CHD1L: variants seen among roughly 807,000 people sequenced by gnomAD.
CHD1L encodes ATP-dependent chromatin remodeler CHD1L.
Under a neutral mutation model 115.9 loss-of-function variants are expected in CHD1L, and 118 were observed. The ratio of observed to expected loss-of-function variants is 1.02; its 90% confidence interval spans 0.88 to 1.19. CHD1L has a LOEUF of 1.19. Among genes scored for constraint, CHD1L ranks in the 50% most tolerant of loss-of-function variants. The pLI, the probability that CHD1L is intolerant of heterozygous loss-of-function variation, is 0.00. For synonymous variants in CHD1L, 411 were observed against 387.1 expected (o/e 1.06, Z -0.72); for missense variants, 1,179 against 1,065.3 (o/e 1.11, Z -1.49).
chr1:147,266,233 G>C, intron 8 of CHD1L, 146 bp downstream of exon 8: 2 of 729,600 alleles, frequency 2.7e-6, no homozygotes, highest in Non-Finnish European at 4.2e-6. Context: ...GGCTACAGTG[G>C]GACTGTGGCA....
the CHD1L span, among the ~76,000 whole-genome samples, chr1:147,206,033 T>C: frequency 6.6e-6 from 1 of 151,358 alleles, no homozygotes; most frequent in East Asian, 1.9e-4. Flanking sequence ...AAAGGGCTAA[T>C]ATCCAGAATC....
At chr1:147,241,591 G>A (rs1476936274), upstream of CHD1L, among the ~76,000 whole-genome samples, 2 of 152,120 alleles carry the variant, frequency 1.3e-5, no homozygotes, top group African/African-American at 2.4e-5. Context: ...ACACGGACGC[G>A]CATGAAAGTC....
chr1:147,274,888 T>A (rs1406704498), intron 12 of CHD1L, among the ~76,000 whole-genome samples: 1 of 152,208 alleles, frequency 6.6e-6, no homozygotes, highest in Non-Finnish European at 1.5e-5. Context: ...TCATTAACTT[T>A]TTATCAGAGA....
chr1:147,256,123 T>C (rs1670063201), intron 4 of CHD1L, among the ~76,000 whole-genome samples, 196 bp downstream of exon 4: 1 of 152,182 alleles, frequency 6.6e-6, no homozygotes, highest in Non-Finnish European at 1.5e-5. Flanking sequence ...GTTCGATCTT[T>C]TCCTTTCTTG....
rs1329735761 is a variant in CHD1L, at chr1:147,288,339, A to AGAAAAAG, written c.2320+606_2320+607insGAAAAAG. Among the ~76,000 whole-genome samples the AGAAAAAG allele has an allele frequency of 1.5e-3, 40 of 26,862 alleles. 1 individual carries two copies. Among genetic ancestry groups the AGAAAAAG allele is most frequent in the Non-Finnish European group, 1.8e-3 (20 of 10,926 alleles). The allele number at this position is 26,862 out of a possible 152,430, so 17.6% of individuals were successfully genotyped here. Reference sequence around the variant, plus strand: ...CCCTGTTTCAATAAAAAAAAAAAAAAAAAAAAAGAAAAAGAGAACTATTGG... The same window carrying AGAAAAAG: ...CCCTGTTTCAATAAAAAAAAAAAAAAGAAAAAGAAAAAAAGAAAAAGAGAACTATTGG... On this transcript the variant is annotated intron_variant, in intron 19 of 22. Coordinates refer to ENST00000369258, the MANE Select transcript of CHD1L (RefSeq NM_004284.6).
At chr1:147,176,054 C>G in the CHD1L span, 1 of 151,848 alleles carries the variant, frequency 6.6e-6, no homozygotes, top group African/African-American at 2.4e-5. Context: ...GTTATTGATA[C>G]TTACCAAACT....
At chr1:147,191,943 G>A in the CHD1L span, among the ~76,000 whole-genome samples, 13 of 151,992 alleles carry the variant, frequency 8.6e-5, no homozygotes, top group African/African-American at 1.2e-4. Flanking sequence ...GTCAGGTAGC[G>A]TGATGCCTCC....
the CHD1L span, chr1:147,225,093 A>C: frequency 1.2e-6 from 2 of 1,610,862 alleles, no homozygotes; most frequent in Non-Finnish European, 1.7e-6. Context: ...AAAAGACAAA[A>C]AGCACACATC....
chr1:147,201,193 A>G, the CHD1L span: 9 of 1,614,086 alleles, frequency 5.6e-6, no homozygotes, highest in Non-Finnish European at 7.6e-6. Flanking sequence ...GAGCTCTGAA[A>G]TGGGCATAAT....
chr1:147,193,873 A>G, the CHD1L span, among the ~76,000 whole-genome samples: 1 of 152,116 alleles, frequency 6.6e-6, no homozygotes, highest in Admixed American at 6.5e-5. Context: ...TCTGAGAGAC[A>G]GTTTGTTATA....
chr1:147,212,918 TA>T, the CHD1L span, among the ~76,000 whole-genome samples: 8,465 of 152,064 alleles, frequency 0.056, 262 homozygotes, highest in African/African-American at 0.092. Flanking sequence ...CTTTTTTTTT[TA>T]AAATGAAAAT....
intron 6 of CHD1L, among the ~76,000 whole-genome samples, chr1:147,261,225 C>T (rs1245986241): frequency 7.9e-5 from 12 of 152,134 alleles, no homozygotes; most frequent in African/African-American, 2.7e-4. Context: ...GTCTGTTTTT[C>T]ACAGACTGGG....
At chr1:147,214,235 C>G in the CHD1L span, among the ~76,000 whole-genome samples, 1 of 151,846 alleles carries the variant, frequency 6.6e-6, no homozygotes, top group Non-Finnish European at 1.5e-5. Context: ...GTGAATCACC[C>G]GAGGTCAGGA....
At chr1:147,251,074 C>T (rs1668261251) in intron 1 of CHD1L, among the ~76,000 whole-genome samples, 1 of 152,168 alleles carries the variant, frequency 6.6e-6, no homozygotes, top group African/African-American at 2.4e-5. Context: ...CCTCTCCATC[C>T]ATGTGGAATT....
intron 19 of CHD1L, among the ~76,000 whole-genome samples, chr1:147,288,413 G>A (rs1553967968): frequency 6.6e-6 from 1 of 150,618 alleles, no homozygotes. Context: ...TCTATGGGAA[G>A]CCGGGCGTGG....
intron 1 of CHD1L, among the ~76,000 whole-genome samples, chr1:147,244,419 G>T (rs1559714116): frequency 6.6e-6 from 1 of 152,106 alleles, no homozygotes; most frequent in Non-Finnish European, 1.5e-5. Context: ...TTCTATTTCT[G>T]TTTACCAGAA....
the CHD1L span, chr1:147,179,430 TG>T: frequency 6.3e-7 from 1 of 1,594,166 alleles, no homozygotes; most frequent in African/African-American, 1.3e-5. Context: ...CCACAGCCAA[TG>T]ATGTGCCTTC....
chr1:147,233,661 AG>A, the CHD1L span, among the ~76,000 whole-genome samples: 1 of 152,168 alleles, frequency 6.6e-6, no homozygotes, highest in African/African-American at 2.4e-5. Flanking sequence ...AAGGGGGGAA[AG>A]GTGGGGAAAA....
At chr1:147,232,670 C>T in the CHD1L span, among the ~76,000 whole-genome samples, 5 of 152,248 alleles carry the variant, frequency 3.3e-5, no homozygotes, top group East Asian at 1.9e-4. Flanking sequence ...GACTGGTTTT[C>T]GTATTTTTTT....
Sources: gnomAD v4.1 joint callset for allele counts (sites outside exome capture counted in the v4.1 genomes callset) on GRCh38, gnomAD v4.1.1 for gene constraint, MANE v1.5 for transcripts, NCBI Gene and HGNC (gene_info 2026-07-23, HGNC 2026-07-21) for gene names.